Variants in CHODL observed in about 807,000 individuals in gnomAD.
CHODL encodes the protein transmembrane protein MT75.
In CHODL, 29 loss-of-function variants were observed where a neutral mutation model predicts 34.5. The observed-to-expected ratio is 0.84, with a 90% CI of 0.63 to 1.15. The LOEUF is 1.15. Ranked by LOEUF, CHODL falls within the 50% of genes most tolerant of loss-of-function variation. The pLI, the probability that CHODL is intolerant of heterozygous loss-of-function variation, is 0.00. For missense variants in CHODL, 332 were observed against 332.5 expected, an observed-to-expected ratio of 1.00 and a Z score of 0.01; for synonymous variants, 125 against 116.1, an observed-to-expected ratio of 1.08 and a Z score of -0.49.
chr21:18,010,122 A>C (rs2064000974), intron 1 of CHODL, among the ~76,000 whole-genome samples: 1 of 18,686 alleles, frequency 5.4e-5, no homozygotes, highest in Non-Finnish European at 1.0e-4. Context: ...AAAATACAAA[A>C]AAAAAAAAAA....
At chr21:17,941,462 T>G (rs1261036618) in intron 1 of CHODL, among the ~76,000 whole-genome samples, 2 of 150,334 alleles carry the variant, frequency 1.3e-5, no homozygotes, top group African/African-American at 2.5e-5. Flanking sequence ...TTTTTTTTTT[T>G]TTCTGAATGT....
chr21:18,183,179 A>G (rs1212742358), intron 2 of CHODL, among the ~76,000 whole-genome samples: 1 of 152,218 alleles, frequency 6.6e-6, no homozygotes, highest in Admixed American at 6.5e-5. Context: ...CACATCTGTC[A>G]TCAGGTTTTT....
At chr21:18,031,569 G>C (rs962386279) in intron 2 of CHODL, among the ~76,000 whole-genome samples, 3 of 151,992 alleles carry the variant, frequency 2.0e-5, no homozygotes, top group Non-Finnish European at 4.4e-5. Context: ...CATTACATTT[G>C]CCATTGGAAA....
At chr21:18,122,656 G>C (rs1298218585) in intron 2 of CHODL, among the ~76,000 whole-genome samples, 1 of 151,984 alleles carries the variant, frequency 6.6e-6, no homozygotes, top group East Asian at 1.9e-4. Context: ...TTTGAAAATA[G>C]ACTTGCCTAG....
At chr21:18,192,614 T>G (rs114481995) in intron 2 of CHODL, among the ~76,000 whole-genome samples, 2,823 of 152,322 alleles carry the variant, frequency 0.019, 101 homozygotes, top group African/African-American at 0.064. Context: ...CATATCATTT[T>G]GAAAATGTAT....
At chr21:18,014,992 CG>C (rs1241984739) in intron 1 of CHODL, among the ~76,000 whole-genome samples, 1 of 152,056 alleles carries the variant, frequency 6.6e-6, no homozygotes, top group African/African-American at 2.4e-5. Flanking sequence ...TGGAAGAGTT[CG>C]GAAGGCTTAG....
chr21:18,266,480 A>G lies in CHODL; in HGVS notation c.*442A>G, dbSNP rs73893045. 81 of 177,838 alleles carry G rather than the reference A, an allele frequency of 4.6e-4. No homozygotes were observed. Among genetic ancestry groups the G allele is most frequent in the African/African-American group, 1.9e-3 (78 of 42,116 alleles). The allele number at this position is 177,838 out of a possible 1,614,324, so 11.0% of individuals were successfully genotyped here. A position where few individuals can be genotyped will look rare whatever the true frequency, so the allele number is the denominator to read the frequency against. On this transcript the variant is annotated 3_prime_UTR_variant, in exon 6 of 6. Coordinates refer to ENST00000299295, the MANE Select transcript of CHODL (RefSeq NM_024944.3). The stretch of plus-strand genomic sequence containing the variant: ...TTTGATAAAAATGAACTGTTCTAAT[A>G]TTTATTTTTATGGCATCTCATTTTT...
intron 2 of CHODL, among the ~76,000 whole-genome samples, chr21:18,144,228 A>T: frequency 6.6e-6 from 1 of 152,142 alleles, no homozygotes; most frequent in East Asian, 1.9e-4. Flanking sequence ...GATACCTGAG[A>T]GGATAATTCT....
chr21:18,083,711 C>A lies in CHODL; in HGVS notation c.-45+55740C>A, dbSNP rs2064969793. The stretch of plus-strand genomic sequence containing the variant: ...AATGACTGCCCTGCTGGGCTTTGGA[C>A]TTGCATGGGGCATGTGGCCCTTTGT... On this transcript the variant is annotated intron_variant, in intron 2 of 6. Coordinates refer to the CHODL transcript ENST00000400127. Among the ~76,000 whole-genome samples, 5 of 152,208 alleles carry A rather than the reference C, an allele frequency of 3.3e-5. No homozygotes were observed. The South Asian group carries it at 1.0e-3, about 32-fold the overall frequency.
At chr21:18,173,942 C>CT (rs1305351021) in intron 2 of CHODL, among the ~76,000 whole-genome samples, 1 of 150,720 alleles carries the variant, frequency 6.6e-6, no homozygotes, top group Non-Finnish European at 1.5e-5. Flanking sequence ...TTGTAAGGTA[C>CT]TTATAACACT....
chr21:18,056,517 T>G (rs2824622), intron 2 of CHODL, among the ~76,000 whole-genome samples: 2 of 150,288 alleles, frequency 1.3e-5, no homozygotes, highest in African/African-American at 4.9e-5. Context: ...CCCTAAGGTG[T>G]TATAATTCAA....
At chr21:18,013,303 T>C (rs1040051953) in intron 1 of CHODL, among the ~76,000 whole-genome samples, 1 of 150,454 alleles carries the variant, frequency 6.6e-6, no homozygotes, top group Non-Finnish European at 1.5e-5. Context: ...CAATTTTTTT[T>C]TTCTAGGATA....
chr21:17,983,684 T>C (rs935377818), intron 1 of CHODL, among the ~76,000 whole-genome samples: 1 of 152,220 alleles, frequency 6.6e-6, no homozygotes, highest in Non-Finnish European at 1.5e-5. Flanking sequence ...TATGAAATAC[T>C]AGCTTATTTT....
At chr21:18,216,954 G>T (rs2073835976) in intron 2 of CHODL, among the ~76,000 whole-genome samples, 1 of 152,094 alleles carries the variant, frequency 6.6e-6, no homozygotes, top group Non-Finnish European at 1.5e-5. Context: ...AGATTTGGGT[G>T]GGGACACAGA....
intron 1 of CHODL, among the ~76,000 whole-genome samples, chr21:17,940,667 ACG>A: frequency 6.6e-6 from 1 of 152,190 alleles, no homozygotes; most frequent in Admixed American, 6.5e-5. Context: ...TGCACTTAAA[ACG>A]TTTCTTATAT....
At chr21:18,095,133 A>AGG (rs2065124030) in intron 2 of CHODL, among the ~76,000 whole-genome samples, 1 of 151,424 alleles carries the variant, frequency 6.6e-6, no homozygotes, top group Non-Finnish European at 1.5e-5. Flanking sequence ...CAAAAAAAAA[A>AGG]AAGAAGGAAA....
chr21:18,011,190 T>G (rs966712848), intron 1 of CHODL, among the ~76,000 whole-genome samples: 3 of 152,212 alleles, frequency 2.0e-5, no homozygotes, highest in Non-Finnish European at 4.4e-5. Flanking sequence ...GTCCAAATAT[T>G]TAATGTTTGT....
At chr21:17,979,770 A>T (rs2063699161) in intron 1 of CHODL, among the ~76,000 whole-genome samples, 1 of 152,254 alleles carries the variant, frequency 6.6e-6, no homozygotes, top group East Asian at 1.9e-4. Flanking sequence ...GTCTTTGGAG[A>T]GGTACTTGGG....
chr21:17,988,547 CCT>C (rs2063772655), intron 1 of CHODL, among the ~76,000 whole-genome samples: 1 of 81,774 alleles, frequency 1.2e-5, no homozygotes, highest in African/African-American at 4.8e-5. Flanking sequence ...ATCCCTCCCC[CCT>C]CCCCCCACCC....
Sources: allele counts gnomAD v4.1 joint callset (sites outside exome capture counted in the v4.1 genomes callset), GRCh38; gene constraint gnomAD v4.1.1; transcripts MANE v1.5; gene names NCBI Gene and HGNC (gene_info 2026-07-23, HGNC 2026-07-21).